The following EEA1 variants were observed in gnomAD, a reference collection of about 807,000 sequenced individuals.
EEA1 encodes the protein early endosome antigen 1, 162kD.
EEA1 carries 111 observed loss-of-function variants against 209.2 expected under a neutral mutation model. That is an observed-to-expected ratio of 0.53 (90% CI 0.45 to 0.62). The LOEUF is 0.62. EEA1 is among the 20% of genes least tolerant of loss of function. The pLI is 0.00. For synonymous variants in EEA1, 536 were observed against 540.6 expected (o/e 0.99, Z 0.12); for missense variants, 1,343 against 1,530.8 (o/e 0.88, Z 2.05).
chr12:92,795,246 T>C (rs897500147), intron 21 of EEA1, among the ~76,000 whole-genome samples: 5 of 152,352 alleles, frequency 3.3e-5, no homozygotes, highest in Non-Finnish European at 7.3e-5. Context: ...TTTAACCATA[T>C]TGGTCATCTG....
At chr12:92,803,752 A>G (rs1241909360) in intron 18 of EEA1, among the ~76,000 whole-genome samples, 1 of 152,098 alleles carries the variant, frequency 6.6e-6, no homozygotes, top group East Asian at 1.9e-4. Context: ...GGTTCACAAG[A>G]TATTATTCCT....
chr12:92,851,986 A>G (rs1226735929), intron 8 of EEA1, among the ~76,000 whole-genome samples, 189 bp downstream of exon 8: 1 of 152,164 alleles, frequency 6.6e-6, no homozygotes, highest in Non-Finnish European at 1.5e-5. Flanking sequence ...TAAGTTACGT[A>G]TCATAACATT....
chr12:92,825,975 G>T (rs1220552536), intron 13 of EEA1, among the ~76,000 whole-genome samples, 191 bp downstream of exon 13: 1 of 151,204 alleles, frequency 6.6e-6, no homozygotes, highest in South Asian at 2.1e-4. Context: ...GTAATCAAAA[G>T]AAAAATAATT....
At chr12:92,855,624 AT>A (rs1221400962) in intron 5 of EEA1, among the ~76,000 whole-genome samples, 1 of 152,166 alleles carries the variant, frequency 6.6e-6, no homozygotes, top group East Asian at 1.9e-4. Flanking sequence ...ATTTTAAAGA[AT>A]TATACCCATC....
chr12:92,788,116 A>G, intron 21 of EEA1, 67 bp from the exon 22 acceptor site: 2 of 1,342,476 alleles, frequency 1.5e-6, no homozygotes, highest in African/African-American at 1.5e-5. Context: ...ATAAAGTAAA[A>G]TCCAGACAAC....
At chr12:92,910,346 G>A (rs974343077) in intron 1 of EEA1, among the ~76,000 whole-genome samples, 2 of 151,348 alleles carry the variant, frequency 1.3e-5, no homozygotes, top group African/African-American at 4.9e-5. Flanking sequence ...GTGCGCACCT[G>A]TAATCCCAGC....
chr12:92,802,175 T>G (rs773222127), intron 19 of EEA1, among the ~76,000 whole-genome samples: 19 of 152,180 alleles, frequency 1.2e-4, no homozygotes, highest in Middle Eastern at 3.4e-3. Context: ...AATATTCAAC[T>G]GAAAATATTC....
intron 10 of EEA1, 60 bp downstream of exon 10, chr12:92,842,405 G>C: frequency 1.2e-6 from 1 of 852,842 alleles, no homozygotes; most frequent in East Asian, 2.8e-5. Flanking sequence ...AAGTATGTAA[G>C]ATTAATATTT....
intron 2 of EEA1, among the ~76,000 whole-genome samples, chr12:92,883,484 G>A (rs182770227): frequency 5.3e-5 from 8 of 152,034 alleles, no homozygotes; most frequent in African/African-American, 9.6e-5. Flanking sequence ...ATTCTCTCCC[G>A]ACACTAATGT....
chr12:92,886,631 GAGGGGGA>G (rs1592758129), intron 2 of EEA1, among the ~76,000 whole-genome samples: 1 of 109,148 alleles, frequency 9.2e-6, no homozygotes, highest in Non-Finnish European at 1.9e-5. Flanking sequence ...GAGAGGAGGG[GAGGGGGA>G]AGGGGGAAGG....
chr12:92,795,519 C>T (rs1874620262), intron 21 of EEA1, among the ~76,000 whole-genome samples: 1 of 152,268 alleles, frequency 6.6e-6, no homozygotes, highest in South Asian at 2.1e-4. Flanking sequence ...GACAAATAGA[C>T]TGGAGGGCCC....
chr12:92,910,830 TAGAC>T (rs1376775547), intron 1 of EEA1, among the ~76,000 whole-genome samples: 3 of 152,324 alleles, frequency 2.0e-5, no homozygotes, highest in Non-Finnish European at 2.9e-5. Flanking sequence ...AAGACCTTAA[TAGAC>T]AGGCATCTTA....
chr12:92,880,115 C>A (rs1013581248), intron 2 of EEA1, among the ~76,000 whole-genome samples: 1 of 152,214 alleles, frequency 6.6e-6, no homozygotes, highest in African/African-American at 2.4e-5. Context: ...AGGCTGTAAA[C>A]ATAAAACAAA....
At chr12:92,866,225 T>C (rs994236817) in intron 2 of EEA1, among the ~76,000 whole-genome samples, 6 of 148,754 alleles carry the variant, frequency 4.0e-5, no homozygotes, top group South Asian at 2.1e-4. Context: ...AGAATATTTG[T>C]AGTCATTCAT....
chr12:92,803,307 G>A (rs1378914645), intron 18 of EEA1, among the ~76,000 whole-genome samples: 1 of 151,948 alleles, frequency 6.6e-6, no homozygotes, highest in African/African-American at 2.4e-5. Flanking sequence ...TTATACAAAG[G>A]ATTTGTTATC....
chr12:92,844,417 T>C (rs1262853051), intron 9 of EEA1, among the ~76,000 whole-genome samples: 1 of 152,162 alleles, frequency 6.6e-6, no homozygotes, highest in Admixed American at 6.5e-5. Flanking sequence ...TTACACCTTA[T>C]ACACAGTGCT....
At chr12:92,823,572 T>C (rs1477450064) in intron 13 of EEA1, among the ~76,000 whole-genome samples, 2 of 152,212 alleles carry the variant, frequency 1.3e-5, no homozygotes, top group African/African-American at 4.8e-5. Flanking sequence ...TATGCTACCA[T>C]AACAATTTTA....
intron 18 of EEA1, among the ~76,000 whole-genome samples, chr12:92,807,629 T>A (rs1444990277): frequency 1.3e-5 from 2 of 152,158 alleles, no homozygotes; most frequent in African/African-American, 2.4e-5. Context: ...ATTCTATTTT[T>A]ATACTAGTCA....
At chr12:92,874,659 C>T (rs1878801418) in intron 2 of EEA1, among the ~76,000 whole-genome samples, 1 of 152,240 alleles carries the variant, frequency 6.6e-6, no homozygotes, top group Non-Finnish European at 1.5e-5. Context: ...AGCCACAGTG[C>T]CCAGCTGTTT....
Sources: allele counts gnomAD v4.1 joint callset (sites outside exome capture counted in the v4.1 genomes callset), GRCh38; gene constraint gnomAD v4.1.1; transcripts MANE v1.5; gene names NCBI Gene and HGNC (gene_info 2026-07-23, HGNC 2026-07-21).